Variants in NKAIN3 observed in about 807,000 individuals in gnomAD.
The protein encoded by NKAIN3 is sodium/potassium transporting ATPase interacting 3.
Under a neutral mutation model 30.2 loss-of-function variants are expected in NKAIN3, and 25 were observed. That is an observed-to-expected ratio of 0.83 (90% confidence interval 0.60 to 1.16). The LOEUF is 1.16. Among genes scored for constraint, NKAIN3 ranks in the 50% most tolerant of loss-of-function variants. The probability of loss-of-function intolerance (pLI) is 0.00; values close to 1 mark genes in which losing one functional copy is unlikely to be tolerated. For missense variants in NKAIN3, 225 were observed against 254.1 expected (o/e 0.89, Z 0.78); for synonymous variants, 91 against 89.6 (o/e 1.02, Z -0.09).
rs78790449 is a variant in NKAIN3 at position 62,658,296 on chromosome 8, A to T, written c.273+68502A>T. 4.1e-4 allele frequency among the ~76,000 whole-genome samples: 63 copies of T among 152,304 alleles called. No homozygotes were observed. In the East Asian group the frequency reaches 0.012, roughly 29 times the overall value. ...GCCCTCTGTCAGTTAAGAGGCAGACATCATAAACACGGCACATCAGCCTTT... is the reference window on the plus strand; with the variant it reads ...GCCCTCTGTCAGTTAAGAGGCAGACTTCATAAACACGGCACATCAGCCTTT... On this transcript the variant is annotated intron_variant, in intron 3 of 6. Transcript: ENST00000623646.
At chr8:62,369,501 T>G (rs1367487273) in intron 1 of NKAIN3, among the ~76,000 whole-genome samples, 1 of 152,096 alleles carries the variant, frequency 6.6e-6, no homozygotes, top group Non-Finnish European at 1.5e-5. Context: ...AAAATAAACA[T>G]TCTAAATGGT....
intron 1 of NKAIN3, among the ~76,000 whole-genome samples, chr8:62,340,940 A>T (rs956417236): frequency 3.3e-5 from 5 of 152,084 alleles, no homozygotes; most frequent in Non-Finnish European, 7.4e-5. Context: ...CATGAGATAC[A>T]GCTGCTACAA....
At chr8:62,923,470 A>G (rs1822340609) in intron 5 of NKAIN3, among the ~76,000 whole-genome samples, 1 of 152,214 alleles carries the variant, frequency 6.6e-6, no homozygotes, top group African/African-American at 2.4e-5. Flanking sequence ...ATTTAGTGAG[A>G]TGTCCGATGC....
chr8:62,749,941 G>A (rs982962172), intron 4 of NKAIN3, among the ~76,000 whole-genome samples: 7 of 151,776 alleles, frequency 4.6e-5, no homozygotes, highest in African/African-American at 1.2e-4. Context: ...CTCGGTCTCC[G>A]AAAGTGGTAG....
intron 4 of NKAIN3, among the ~76,000 whole-genome samples, chr8:62,822,717 C>T (rs1162976249): frequency 1.3e-5 from 2 of 152,168 alleles, no homozygotes; most frequent in African/African-American, 2.4e-5. Flanking sequence ...CCTTAGGGGA[C>T]TTCCTTTTGC....
chr8:62,987,110 C>A (rs774565953), downstream of NKAIN3, among the ~76,000 whole-genome samples: 1 of 152,084 alleles, frequency 6.6e-6, no homozygotes, highest in South Asian at 2.1e-4. Flanking sequence ...TTATTGGCTG[C>A]GTGTGGTAGC....
intron 4 of NKAIN3, among the ~76,000 whole-genome samples, chr8:62,830,709 G>A (rs1041736877): frequency 1.3e-5 from 2 of 152,142 alleles, no homozygotes; most frequent in African/African-American, 4.8e-5. Flanking sequence ...CCTGTGCAGA[G>A]ACTGTGGTGC....
rs1037342316 is a variant in NKAIN3, at chr8:62,339,703, G to T, written c.54+90576G>T. 2.0e-4 allele frequency among the ~76,000 whole-genome samples: 31 copies of T among 151,840 alleles called. 1 individual carries two copies. The highest frequency in any genetic ancestry group is 4.1e-4 in the Non-Finnish European group (28 of 67,948). On this transcript the variant is annotated intron_variant, in intron 1 of 6. Coordinates refer to ENST00000623646, the MANE Select transcript of NKAIN3 (RefSeq NM_001304533.3). ...TAATTCTGATTTCCTCTTGAAAATG[G>T]TAATAATTCCTAAGAGGCGTCAGAA...
intron 4 of NKAIN3, among the ~76,000 whole-genome samples, chr8:62,780,816 A>G (rs1001217516): frequency 2.0e-5 from 3 of 152,128 alleles, no homozygotes; most frequent in African/African-American, 7.2e-5. Context: ...CATATACGAC[A>G]AACCCATAGC....
intron 5 of NKAIN3, among the ~76,000 whole-genome samples, chr8:62,925,671 C>A (rs1822412563): frequency 6.6e-6 from 1 of 152,146 alleles, no homozygotes; most frequent in Admixed American, 6.5e-5. Context: ...AATCACATCA[C>A]CTCTTTGGGG....
chr8:62,735,025 T>A (rs142792798), intron 3 of NKAIN3, among the ~76,000 whole-genome samples: 1 of 152,338 alleles, frequency 6.6e-6, no homozygotes, highest in East Asian at 1.9e-4. Flanking sequence ...GCCTCACAGC[T>A]CTTAAAATTA....
chr8:62,791,236 T>C (rs1480099072), intron 4 of NKAIN3, among the ~76,000 whole-genome samples: 1 of 152,066 alleles, frequency 6.6e-6, no homozygotes, highest in African/African-American at 2.4e-5. Flanking sequence ...CAGTGGAGAA[T>C]ATAAAATGAA....
chr8:62,255,990 G>A (rs1812249566), intron 1 of NKAIN3, among the ~76,000 whole-genome samples: 1 of 152,158 alleles, frequency 6.6e-6, no homozygotes, highest in African/African-American at 2.4e-5. Context: ...GAGTTCCCTG[G>A]GTCAGAAGAA....
At chr8:62,571,727 A>G (rs983407101) in intron 1 of NKAIN3, among the ~76,000 whole-genome samples, 2 of 152,080 alleles carry the variant, frequency 1.3e-5, no homozygotes, top group Non-Finnish European at 1.5e-5. Context: ...CTGTGCACCC[A>G]CAGGCTCAAC....
At chr8:62,950,944 C>CTTTT (rs71559384) in intron 5 of NKAIN3, among the ~76,000 whole-genome samples, 4 of 100,680 alleles carry the variant, frequency 4.0e-5, no homozygotes, top group East Asian at 8.1e-4. Context: ...AAACAGAATC[C>CTTTT]TTTTTTTTTT....
At chr8:62,872,714 CAA>C (rs1048432668) in intron 4 of NKAIN3, among the ~76,000 whole-genome samples, 3 of 152,110 alleles carry the variant, frequency 2.0e-5, no homozygotes, top group Non-Finnish European at 2.9e-5. Flanking sequence ...TGCCCTCAGT[CAA>C]GAGAGAGTGA....
chr8:62,700,485 T>C (rs1038069554), intron 3 of NKAIN3, among the ~76,000 whole-genome samples: 1 of 152,226 alleles, frequency 6.6e-6, no homozygotes, highest in South Asian at 2.1e-4. Context: ...AAGTGTCTTA[T>C]GAACTATGAA....
At chr8:62,367,723 C>T (rs1325964281) in intron 1 of NKAIN3, among the ~76,000 whole-genome samples, 5 of 152,072 alleles carry the variant, frequency 3.3e-5, no homozygotes, top group Admixed American at 3.3e-4. Flanking sequence ...AGCATAATAA[C>T]TGGAAGTCCT....
intron 1 of NKAIN3, among the ~76,000 whole-genome samples, chr8:62,565,103 A>AT (rs1187213807): frequency 6.6e-6 from 1 of 152,076 alleles, no homozygotes; most frequent in Non-Finnish European, 1.5e-5. Context: ...CATACACATG[A>AT]TTTTTTCCTA....
Sources: gnomAD v4.1 joint callset for allele counts (sites outside exome capture counted in the v4.1 genomes callset) on GRCh38, gnomAD v4.1.1 for gene constraint, MANE v1.5 for transcripts, NCBI Gene and HGNC (gene_info 2026-07-23, HGNC 2026-07-21) for gene names.